KCNIP4: variants seen among roughly 807,000 people sequenced by gnomAD.
The protein encoded by KCNIP4 is potassium voltage-gated channel interacting protein 4, also known as Kv channel-interacting protein 4.
Under a neutral mutation model 34.0 loss-of-function variants are expected in KCNIP4, and 12 were observed. That is an observed-to-expected ratio of 0.35 (90% CI 0.23 to 0.57). The LOEUF is 0.57. Among genes scored for constraint, KCNIP4 ranks in the 20% least tolerant of loss-of-function variants. The pLI, the probability that KCNIP4 is intolerant of heterozygous loss-of-function variation, is 0.83. For missense variants in KCNIP4, 238 were observed against 311.7 expected, an observed-to-expected ratio of 0.76 and a Z score of 1.78; for synonymous variants, 124 against 102.2, an observed-to-expected ratio of 1.21 and a Z score of -1.29.
At chr4:21,284,921 C>A (rs1763019314) in intron 1 of KCNIP4, among the ~76,000 whole-genome samples, 1 of 152,096 alleles carries the variant, frequency 6.6e-6, no homozygotes, top group Non-Finnish European at 1.5e-5. Flanking sequence ...GCCTCTGCTA[C>A]AGCTGTTGGC....
At chr4:21,535,000 TCTC>T (rs1167745400) in intron 1 of KCNIP4, among the ~76,000 whole-genome samples, 2 of 152,036 alleles carry the variant, frequency 1.3e-5, no homozygotes, top group Non-Finnish European at 2.9e-5. Flanking sequence ...TTCCATTCCA[TCTC>T]ATTCCATTTT....
chr4:21,372,916 G>A (rs1204307508), intron 1 of KCNIP4, among the ~76,000 whole-genome samples: 1 of 145,886 alleles, frequency 6.9e-6, no homozygotes, highest in East Asian at 2.0e-4. Flanking sequence ...TTGACAGGTA[G>A]GTGGGTAAAT....
intron 1 of KCNIP4, among the ~76,000 whole-genome samples, chr4:21,459,859 T>C (rs1729298312): frequency 6.6e-6 from 1 of 151,956 alleles, no homozygotes; most frequent in South Asian, 2.1e-4. Flanking sequence ...ACCATCACCA[T>C]TGCCTCTGTG....
intron 1 of KCNIP4, among the ~76,000 whole-genome samples, chr4:21,864,825 T>C (rs1469475265): frequency 1.3e-5 from 2 of 152,184 alleles, no homozygotes; most frequent in African/African-American, 4.8e-5. Context: ...GCAATTTTAA[T>C]TACCTTCCAG....
intron 1 of KCNIP4, among the ~76,000 whole-genome samples, chr4:21,275,816 C>A (rs1035745653): frequency 1.3e-5 from 2 of 152,136 alleles, no homozygotes; most frequent in African/African-American, 4.8e-5. Flanking sequence ...TGCCTTCATG[C>A]ATGAGGGTCA....
At chr4:21,258,323 T>C (rs186860214) in intron 1 of KCNIP4, among the ~76,000 whole-genome samples, 1 of 152,294 alleles carries the variant, frequency 6.6e-6, no homozygotes, top group East Asian at 1.9e-4. Context: ...CAATACATAT[T>C]TAATGACTAA....
chr4:21,796,325 C>T (rs2044805), intron 1 of KCNIP4, among the ~76,000 whole-genome samples: 1 of 151,862 alleles, frequency 6.6e-6, no homozygotes, highest in Non-Finnish European at 1.5e-5. Context: ...AGCTTTCTCC[C>T]CTCCCTGTAA....
intron 1 of KCNIP4, among the ~76,000 whole-genome samples, chr4:21,714,809 A>T (rs1274143695): frequency 4.1e-3 from 1 of 244 alleles, no homozygotes; most frequent in Non-Finnish European, 6.4e-3. Context: ...ATTTTATTTT[A>T]TTTTATTTTA....
At chr4:20,832,583 T>G (rs1718551724) in intron 3 of KCNIP4, among the ~76,000 whole-genome samples, 1 of 152,322 alleles carries the variant, frequency 6.6e-6, no homozygotes, top group Non-Finnish European at 1.5e-5. Context: ...CCTTCAGAAC[T>G]TCTTGAAGAT....
chr4:21,447,800 G>A (rs1357902998), intron 1 of KCNIP4, among the ~76,000 whole-genome samples: 1 of 151,962 alleles, frequency 6.6e-6, no homozygotes, highest in African/African-American at 2.4e-5. Context: ...CTTGAACTGA[G>A]AGCTACTAAG....
At chr4:21,774,169 G>A (rs1719017188) in intron 1 of KCNIP4, among the ~76,000 whole-genome samples, 1 of 152,004 alleles carries the variant, frequency 6.6e-6, no homozygotes, top group South Asian at 2.1e-4. Flanking sequence ...TGTCTGGAAA[G>A]GATTTTATTT....
intron 1 of KCNIP4, among the ~76,000 whole-genome samples, chr4:21,338,986 C>T (rs1212982982): frequency 6.6e-6 from 1 of 152,018 alleles, no homozygotes; most frequent in Non-Finnish European, 1.5e-5. Context: ...ACATGGGAAC[C>T]TAAATAAGTT....
chr4:21,762,074 T>C (rs534123850), intron 1 of KCNIP4, among the ~76,000 whole-genome samples: 2 of 152,278 alleles, frequency 1.3e-5, no homozygotes, highest in East Asian at 1.9e-4. Context: ...AAAAATATAA[T>C]ATGTGCCACA....
chr4:20,820,448 TGA>T (rs1234016809), intron 3 of KCNIP4, among the ~76,000 whole-genome samples: 1 of 152,090 alleles, frequency 6.6e-6, no homozygotes, highest in South Asian at 2.1e-4. Context: ...AAACTGTGTG[TGA>T]GAGAAACAAA....
rs571050941 is a variant in KCNIP4 at position 20,834,088 on chromosome 4, G to A, written c.288+16455C>T. On this transcript the variant is annotated intron_variant, in intron 3 of 8. Transcript: ENST00000382152. ...CTGCATAGAATTCACCTGAAAAGGT[G>A]GAACAGAGACCAGGACTGAAACCAG... 2.6e-5 allele frequency among the ~76,000 whole-genome samples: 4 copies of A among 152,208 alleles called. No homozygotes were observed. In the South Asian group the frequency reaches 8.3e-4, roughly 32 times the overall value.
intron 1 of KCNIP4, among the ~76,000 whole-genome samples, chr4:20,941,589 T>C (rs1258912816): frequency 1.3e-5 from 2 of 152,182 alleles, no homozygotes; most frequent in African/African-American, 4.8e-5. Flanking sequence ...CTTATGAACC[T>C]GGTAAATTTA....
At chr4:21,926,759 C>A (rs1235335267) in intron 1 of KCNIP4, among the ~76,000 whole-genome samples, 1 of 152,154 alleles carries the variant, frequency 6.6e-6, no homozygotes, top group East Asian at 1.9e-4. Context: ...TACTGAGAAG[C>A]CTCATAAAAA....
At chr4:21,577,605 G>A (rs771179340) in intron 1 of KCNIP4, among the ~76,000 whole-genome samples, 31 of 150,354 alleles carry the variant, frequency 2.1e-4, no homozygotes, top group African/African-American at 7.6e-4. Context: ...CATTCCAGCC[G>A]GAATAACAAG....
chr4:21,738,490 T>G (rs1716169402), intron 1 of KCNIP4, among the ~76,000 whole-genome samples: 1 of 152,198 alleles, frequency 6.6e-6, no homozygotes, highest in African/African-American at 2.4e-5. Context: ...AAACAAAACC[T>G]TTAATTCCTA....
Sources: allele counts gnomAD v4.1 joint callset (sites outside exome capture counted in the v4.1 genomes callset), GRCh38; gene constraint gnomAD v4.1.1; transcripts MANE v1.5; gene names NCBI Gene and HGNC (gene_info 2026-07-23, HGNC 2026-07-21).